The following COL4A1 variants were observed in gnomAD, a reference collection of about 807,000 sequenced individuals.
COL4A1 encodes collagen alpha-1(IV) chain.
Under a neutral mutation model 216.6 loss-of-function variants are expected in COL4A1, and 40 were observed. The observed-to-expected ratio is 0.18, with a 90% CI of 0.14 to 0.24. The LOEUF (loss-of-function observed/expected upper bound fraction) is 0.24, where lower values mean the gene tolerates loss of function less well. Ranked by LOEUF, COL4A1 falls within the 10% of genes least tolerant of loss-of-function variation. The probability of loss-of-function intolerance (pLI) is 1.00; values close to 1 mark genes in which losing one functional copy is unlikely to be tolerated. For synonymous variants in COL4A1, 839 were observed against 810.7 expected (o/e 1.03, Z -0.59); for missense variants, 1,628 against 2,196.8 (o/e 0.74, Z 5.18).
intron 1 of COL4A1, among the ~76,000 whole-genome samples, chr13:110,277,096 T>C (rs1211202056): frequency 1.3e-5 from 2 of 152,218 alleles, no homozygotes; most frequent in African/African-American, 4.8e-5. Flanking sequence ...AACCAATGTA[T>C]AGTACGTTAA....
At chr13:110,209,009 A>G in intron 11 of COL4A1, 119 bp from the exon 12 acceptor site, 1 of 1,056,196 alleles carries the variant, frequency 9.5e-7, no homozygotes. Context: ...TTTGTCCCAT[A>G]ACTCTCATAA....
At position 110,152,380 on chromosome 13, in the gene COL4A1, C is replaced by A; in HGVS notation, c.4882G>T (p.Ala1628Ser). ...ATGGTGGCGAGCCAAAAGCTGTAAG[C>A]GTTTGCGTAGTAATTGCAGGTCCCA... ...GRGTCNYYAN[A>S]YSFWLATIER... The change falls in exon 51 of 52, where the codon GCT becomes TCT. Residue 1628 changes from alanine (A) to serine (S), a missense_variant. Transcript: ENST00000375820. The A allele has an allele frequency of 6.2e-7, 1 of 1,614,168 alleles. No homozygotes were observed. The highest frequency in any genetic ancestry group is 8.5e-7 in the Non-Finnish European group (1 of 1,180,036).
At chr13:110,167,576 G>A (rs1378873985) in intron 43 of COL4A1, among the ~76,000 whole-genome samples, 4 of 152,120 alleles carry the variant, frequency 2.6e-5, no homozygotes, top group South Asian at 2.1e-4. Flanking sequence ...CACCTGTGAC[G>A]GCAACATAGC....
chr13:110,242,803 A>G lies in COL4A1; in HGVS notation c.85-69T>C, dbSNP rs41275106. On this transcript the variant is annotated intron_variant, in intron 1 of 51. Transcript: ENST00000375820. ...AAGCGAGGGCACTATGCAAATGGAG[A>G]TGGTTCTGGCATCTTGACTTGTTTA... The G allele has an allele frequency of 0.16, 250,750 of 1,525,936 alleles. 21,998 individuals are homozygous for G. The highest frequency in any genetic ancestry group is 0.2 in the African/African-American group (14,607 of 73,052). 94.5% of individuals were successfully genotyped at this position (1,525,936 alleles called of 1,614,324 possible). A position where few individuals can be genotyped will look rare whatever the true frequency, so the allele number is the denominator to read the frequency against.
intron 18 of COL4A1, among the ~76,000 whole-genome samples, chr13:110,202,156 C>T (rs919290546): frequency 6.6e-6 from 1 of 150,828 alleles, no homozygotes; most frequent in East Asian, 1.9e-4. Context: ...CAATTTGAGG[C>T]TTAGATTTAT....
intron 1 of COL4A1, among the ~76,000 whole-genome samples, chr13:110,269,482 ATAG>A (rs920280434): frequency 6.6e-6 from 1 of 152,208 alleles, no homozygotes; most frequent in African/African-American, 2.4e-5. Flanking sequence ...AATTATGAAA[ATAG>A]TGGTGTTATT....
intron 2 of COL4A1, among the ~76,000 whole-genome samples, chr13:110,222,194 A>G (rs1354487639): frequency 6.6e-6 from 1 of 151,966 alleles, no homozygotes; most frequent in African/African-American, 2.4e-5. Flanking sequence ...AGGCACATTC[A>G]CACCCTCCCC....
intron 2 of COL4A1, among the ~76,000 whole-genome samples, chr13:110,238,372 C>T (rs1881417172): frequency 6.6e-6 from 1 of 152,218 alleles, no homozygotes; most frequent in South Asian, 2.1e-4. Flanking sequence ...CAGCATTTAT[C>T]AGCTGGTCCC....
chr13:110,267,564 A>G (rs1336808850), intron 1 of COL4A1, among the ~76,000 whole-genome samples: 1 of 152,080 alleles, frequency 6.6e-6, no homozygotes, highest in African/African-American at 2.4e-5. Flanking sequence ...TCCACCAGTA[A>G]GCTCCCCTTA....
intron 20 of COL4A1, among the ~76,000 whole-genome samples, chr13:110,199,036 G>A (rs1173485204): frequency 6.6e-6 from 1 of 152,226 alleles, no homozygotes; most frequent in East Asian, 1.9e-4. Context: ...CAATCTAGAA[G>A]AAAGAGCAGA....
At chr13:110,150,830 TAAG>T (rs1045448346) in intron 51 of COL4A1, among the ~76,000 whole-genome samples, 9 of 152,218 alleles carry the variant, frequency 5.9e-5, no homozygotes, top group African/African-American at 2.4e-5. Context: ...TCCTCCAGGG[TAAG>T]AAGAAGATAT....
rs1224268484 is a variant in COL4A1, at chr13:110,211,813, A to G, written c.441+56T>C. 3.8e-6 allele frequency: 6 copies of G among 1,585,536 alleles called. No homozygotes were observed. In the Admixed American group the frequency reaches 5.0e-5, roughly 13 times the overall value. On this transcript the variant is annotated intron_variant, in intron 7 of 51. Transcript: ENST00000375820. This position sits in a 1 kb window ranked among gnomAD's most constrained non-coding sequence, Gnocchi z 4.3. ...AAGAAAGAAAAGGAAATGGAATGAAAAGAGAGAAGTCATAACTAAAAGAAA... is the reference window on the plus strand; with the variant it reads ...AAGAAAGAAAAGGAAATGGAATGAAGAGAGAGAAGTCATAACTAAAAGAAA...
At chr13:110,174,125 G>A (rs1342146905) in intron 39 of COL4A1, 127 bp from the exon 40 acceptor site, 1 of 1,084,104 alleles carries the variant, frequency 9.2e-7, no homozygotes, top group Non-Finnish European at 1.4e-6. Flanking sequence ...TGGTTTTCCT[G>A]AGGTCAGTTC....
At chr13:110,266,314 G>A (rs192213041) in intron 1 of COL4A1, among the ~76,000 whole-genome samples, 3 of 152,308 alleles carry the variant, frequency 2.0e-5, no homozygotes, top group African/African-American at 7.2e-5. Flanking sequence ...GCAAGCCACC[G>A]TTCTCCATGT....
At chr13:110,292,864 G>GA (rs1884141691) in intron 1 of COL4A1, among the ~76,000 whole-genome samples, 1 of 152,196 alleles carries the variant, frequency 6.6e-6, no homozygotes, top group African/African-American at 2.4e-5. Flanking sequence ...AGGGTCAGGA[G>GA]AAACAGGATA....
At chr13:110,234,024 A>G (rs1222164060) in intron 2 of COL4A1, among the ~76,000 whole-genome samples, 1 of 152,182 alleles carries the variant, frequency 6.6e-6, no homozygotes, top group Non-Finnish European at 1.5e-5. Flanking sequence ...TTTTCCTCAC[A>G]CTTATTGCAA....
intron 28 of COL4A1, among the ~76,000 whole-genome samples, chr13:110,181,934 T>C (rs1242586445): frequency 1.3e-5 from 2 of 152,186 alleles, no homozygotes; most frequent in South Asian, 2.1e-4. Context: ...TATGCAACAC[T>C]GAGGTCTCCG....
intron 2 of COL4A1, among the ~76,000 whole-genome samples, chr13:110,233,929 C>T (rs1033564013): frequency 1.2e-4 from 18 of 152,206 alleles, no homozygotes; most frequent in Admixed American, 9.2e-4. Flanking sequence ...GCTTCACCTG[C>T]GGATTGCAAA....
Position 110,263,791 on chromosome 13 carries a change from C to T in COL4A1, c.85-21057G>A, listed in dbSNP as rs1882921188. Reference sequence around the variant, plus strand: ...TTTTATAGATCATTTCTTACAAACACTTATTAGGGCTCTCAAATAAACTTT... The same window carrying T: ...TTTTATAGATCATTTCTTACAAACATTTATTAGGGCTCTCAAATAAACTTT... On this transcript the variant is annotated intron_variant, in intron 1 of 51. Transcript: ENST00000375820. 2.0e-5 allele frequency among the ~76,000 whole-genome samples: 3 copies of T among 152,158 alleles called. No homozygotes were observed. In the South Asian group the frequency reaches 6.2e-4, roughly 32 times the overall value.
Sources: gnomAD v4.1 joint callset for allele counts (sites outside exome capture counted in the v4.1 genomes callset) on GRCh38, gnomAD v4.1.1 for gene constraint, Gnocchi (gnomAD v3.1) non-coding constraint, MANE v1.5 for transcripts, NCBI Gene and HGNC (gene_info 2026-07-23, HGNC 2026-07-21) for gene names.